Variants in PRKCE observed in about 807,000 individuals in gnomAD.
PRKCE encodes protein kinase C epsilon type.
Under a neutral mutation model 85.4 loss-of-function variants are expected in PRKCE, and 16 were observed. The observed-to-expected ratio is 0.19, with a 90% confidence interval of 0.13 to 0.28. The LOEUF is 0.28. Among genes scored for constraint, PRKCE ranks in the 10% least tolerant of loss-of-function variants. PRKCE has a pLI of 1.00. For synonymous variants in PRKCE, 388 were observed against 371.5 expected (o/e 1.04, Z -0.51); for missense variants, 573 against 975.2 (o/e 0.59, Z 5.49).
chr2:46,059,801 G>C (rs1256008022), intron 10 of PRKCE, among the ~76,000 whole-genome samples: 1 of 152,134 alleles, frequency 6.6e-6, no homozygotes, highest in Non-Finnish European at 1.5e-5. Flanking sequence ...GCAATATAGT[G>C]AGACCCCTGT....
At chr2:45,951,222 A>G (rs181266842) in intron 2 of PRKCE, among the ~76,000 whole-genome samples, 54 of 152,306 alleles carry the variant, frequency 3.5e-4, no homozygotes, top group Admixed American at 1.3e-4. Flanking sequence ...TTATGGCTTC[A>G]CTAGCTTCCC....
chr2:45,806,531 C>T (rs1034720336), intron 1 of PRKCE, among the ~76,000 whole-genome samples: 2 of 152,200 alleles, frequency 1.3e-5, no homozygotes, highest in Non-Finnish European at 2.9e-5. Flanking sequence ...CATCTATCCA[C>T]AAAACTCTTT....
At chr2:46,098,386 C>T (rs1432578504) in intron 11 of PRKCE, among the ~76,000 whole-genome samples, 1 of 152,112 alleles carries the variant, frequency 6.6e-6, no homozygotes, top group Non-Finnish European at 1.5e-5. Flanking sequence ...AAAGCAGTAA[C>T]AACTGGTTCT....
intron 1 of PRKCE, among the ~76,000 whole-genome samples, chr2:45,752,974 G>T (rs984154511): frequency 4.6e-5 from 7 of 152,104 alleles, no homozygotes; most frequent in African/African-American, 1.7e-4. Context: ...GGGTCCTTGG[G>T]GTTTATGGAG....
chr2:46,114,410 T>A (rs1308323488), intron 11 of PRKCE, among the ~76,000 whole-genome samples: 2 of 18,506 alleles, frequency 1.1e-4, no homozygotes, highest in Non-Finnish European at 3.5e-4. Flanking sequence ...TCCAAGGCTT[T>A]TTTTTTTTTT....
chr2:45,745,832 G>C (rs1164724206), intron 1 of PRKCE, among the ~76,000 whole-genome samples: 4 of 152,132 alleles, frequency 2.6e-5, no homozygotes, highest in Non-Finnish European at 5.9e-5. Flanking sequence ...ATTTCAGTTT[G>C]TTCAGCATCG....
chr2:45,733,327 G>A (rs1423811742), intron 1 of PRKCE, among the ~76,000 whole-genome samples: 1 of 152,218 alleles, frequency 6.6e-6, no homozygotes, highest in Non-Finnish European at 1.5e-5. Context: ...TTTGTTGAGT[G>A]CCTGTTGTGA....
chr2:45,818,254 G>T (rs1460273832), intron 1 of PRKCE, among the ~76,000 whole-genome samples: 2 of 152,122 alleles, frequency 1.3e-5, no homozygotes, highest in African/African-American at 4.8e-5. Context: ...AAATATTTGG[G>T]ACTGAAGATG....
chr2:45,816,148 A>G (rs1483244243), intron 1 of PRKCE, among the ~76,000 whole-genome samples: 2 of 152,146 alleles, frequency 1.3e-5, no homozygotes. Context: ...CAAAATCCCT[A>G]CAGTCATCAA....
intron 11 of PRKCE, among the ~76,000 whole-genome samples, chr2:46,136,963 A>C (rs1290112992): frequency 6.6e-6 from 1 of 152,346 alleles, no homozygotes; most frequent in Non-Finnish European, 1.5e-5. Context: ...ATACACATAA[A>C]AGACCTTAAG....
At position 45,652,551 on chromosome 2, in the gene PRKCE, G is replaced by A. The variant is rs2103667188; in HGVS notation, c.348+103G>A. ...GGGCTCCGGGACTTATTGACGACTG[G>A]GGTGTGTGTGCCTGTAAGTCTCAGT... is the stretch of plus-strand genomic sequence containing the variant. On this transcript the variant is annotated intron_variant, in intron 1 of 14. Transcript: ENST00000306156. This position sits in a 1 kb window ranked among gnomAD's most constrained non-coding sequence, Gnocchi z 7.7. 9.0e-7 allele frequency: 1 copy of A among 1,107,308 alleles called. No homozygotes were observed. Among genetic ancestry groups the A allele is most frequent in the Non-Finnish European group, 1.3e-6 (1 of 795,218 alleles). The allele number at this position is 1,107,308 out of a possible 1,614,324, so 68.6% of individuals were successfully genotyped here. A position where few individuals can be genotyped will look rare whatever the true frequency, so the allele number is the denominator to read the frequency against.
chr2:45,995,907 T>G (rs1204759479), intron 6 of PRKCE, among the ~76,000 whole-genome samples: 4 of 152,202 alleles, frequency 2.6e-5, no homozygotes, highest in African/African-American at 9.6e-5. Flanking sequence ...ATAAATAACT[T>G]GCTGGGATTT....
chr2:46,181,871 G>A (rs993973168), intron 14 of PRKCE, among the ~76,000 whole-genome samples: 1 of 152,106 alleles, frequency 6.6e-6, no homozygotes, highest in African/African-American at 2.4e-5. Flanking sequence ...TGAAAAGAGG[G>A]AGCCTCCTCA....
chr2:45,873,909 T>G (rs1450571923), intron 2 of PRKCE, among the ~76,000 whole-genome samples: 2 of 152,210 alleles, frequency 1.3e-5, no homozygotes, highest in Admixed American at 1.3e-4. Context: ...GGAGGAGAGA[T>G]ATTTTGGTTT....
At chr2:45,753,330 A>C (rs1683738250) in intron 1 of PRKCE, among the ~76,000 whole-genome samples, 1 of 152,226 alleles carries the variant, frequency 6.6e-6, no homozygotes. Flanking sequence ...CTGCTGGGCC[A>C]GGAGCCACAC....
At chr2:46,127,827 A>C (rs979615950) in intron 11 of PRKCE, among the ~76,000 whole-genome samples, 1 of 152,258 alleles carries the variant, frequency 6.6e-6, no homozygotes, top group African/African-American at 2.4e-5. Context: ...CAGATACAGT[A>C]GGCAAACTGG....
chr2:46,018,757 C>G (rs1288424072), intron 10 of PRKCE, among the ~76,000 whole-genome samples: 1 of 152,224 alleles, frequency 6.6e-6, no homozygotes, highest in Non-Finnish European at 1.5e-5. Flanking sequence ...CAGTATCATA[C>G]TCTATGTAAA....
chr2:46,112,612 G>A (rs762188184), intron 11 of PRKCE, among the ~76,000 whole-genome samples: 14 of 151,882 alleles, frequency 9.2e-5, no homozygotes, highest in Admixed American at 2.0e-4. Context: ...TCCACCACCC[G>A]GGTTCAGGCA....
intron 1 of PRKCE, among the ~76,000 whole-genome samples, chr2:45,820,541 G>A (rs889680296): frequency 6.6e-6 from 1 of 152,116 alleles, no homozygotes; most frequent in African/African-American, 2.4e-5. Context: ...TCAGGGCTGG[G>A]TTTTGAAGGA....
Sources: gnomAD v4.1 joint callset for allele counts (sites outside exome capture counted in the v4.1 genomes callset) on GRCh38, gnomAD v4.1.1 for gene constraint, Gnocchi (gnomAD v3.1) non-coding constraint, MANE v1.5 for transcripts, NCBI Gene and HGNC (gene_info 2026-07-23, HGNC 2026-07-21) for gene names.